Variants in PLA2G4C observed in about 807,000 individuals in gnomAD.
The protein encoded by PLA2G4C is phospholipase A2 group IVC, also known as cytosolic phospholipase A2 gamma.
A neutral mutation model predicts 73.8 loss-of-function variants in PLA2G4C; 64 were observed. The observed-to-expected ratio is 0.87, with a 90% confidence interval of 0.71 to 1.07. The LOEUF (loss-of-function observed/expected upper bound fraction) is 1.07, where lower values mean the gene tolerates loss of function less well. Ranked by LOEUF, PLA2G4C falls within the 50% of genes least tolerant of loss-of-function variation. The pLI is 0.00. For synonymous variants in PLA2G4C, 254 were observed against 252.1 expected (o/e 1.01, Z -0.07); for missense variants, 622 against 665.4 (o/e 0.93, Z 0.72).
chr19:48,102,267 G>A (rs1474833520), intron 4 of PLA2G4C, among the ~76,000 whole-genome samples: 5 of 151,912 alleles, frequency 3.3e-5, no homozygotes, highest in Non-Finnish European at 5.9e-5. Flanking sequence ...AGGGCAGGCA[G>A]ATCACCTGAG....
chr19:48,049,800 G>A (rs1416254105), intron 16 of PLA2G4C, among the ~76,000 whole-genome samples: 1 of 152,202 alleles, frequency 6.6e-6, no homozygotes, highest in East Asian at 1.9e-4. Flanking sequence ...ACACAGGGAG[G>A]CACCATCTGC....
chr19:48,057,258 G>A (rs71355790), intron 14 of PLA2G4C, among the ~76,000 whole-genome samples: 1,824 of 152,072 alleles, frequency 0.012, 19 homozygotes, highest in Non-Finnish European at 0.019. Flanking sequence ...TGCAGTTAAC[G>A]TAAGAATATT....
rs773740351 is a variant in PLA2G4C, at chr19:48,062,596, C to T, written c.1103-444G>A. 4.6e-5 allele frequency among the ~76,000 whole-genome samples: 7 copies of T among 152,070 alleles called. No homozygotes were observed. The South Asian group carries it at 8.3e-4, about 18-fold the overall frequency. ...CTGCACTCCAGCCTGGGTGACAGAG[C>T]GAGACTCTATCTCAAATAAATAAAC... On this transcript the variant is annotated intron_variant, in intron 13 of 16. Coordinates refer to ENST00000599921, the MANE Select transcript of PLA2G4C (RefSeq NM_003706.3).
chr19:48,070,419 C>G (rs931327727), intron 12 of PLA2G4C, among the ~76,000 whole-genome samples: 1 of 152,138 alleles, frequency 6.6e-6, no homozygotes, highest in Non-Finnish European at 1.5e-5. Flanking sequence ...CAGACTGGAG[C>G]GTCAAATTCT....
At chr19:48,099,367 T>G (rs2122675254) in intron 5 of PLA2G4C, among the ~76,000 whole-genome samples, 1 of 152,320 alleles carries the variant, frequency 6.6e-6, no homozygotes, top group Middle Eastern at 3.4e-3. Flanking sequence ...ACTTTCCCTA[T>G]TTCTGCCTTA....
At chr19:48,089,983 C>G (rs1159455056) in intron 8 of PLA2G4C, among the ~76,000 whole-genome samples, 1 of 152,180 alleles carries the variant, frequency 6.6e-6, no homozygotes, top group Admixed American at 6.5e-5. Flanking sequence ...GTAATGATTG[C>G]TAATGTTTAC....
intron 12 of PLA2G4C, among the ~76,000 whole-genome samples, chr19:48,070,461 T>C (rs1370120709): frequency 1.3e-5 from 2 of 152,230 alleles, no homozygotes; most frequent in African/African-American, 4.8e-5. Flanking sequence ...ATTGCAGCAC[T>C]ATTCACAATA....
chr19:48,056,006 T>G (rs1653908855), intron 14 of PLA2G4C, among the ~76,000 whole-genome samples: 2 of 152,126 alleles, frequency 1.3e-5, no homozygotes, highest in African/African-American at 4.8e-5. Context: ...AAAATAAATA[T>G]TAAATAAAGG....
intron 1 of PLA2G4C, among the ~76,000 whole-genome samples, chr19:48,110,153 C>A (rs1237840199): frequency 6.6e-6 from 1 of 150,756 alleles, no homozygotes; most frequent in East Asian, 2.0e-4. Flanking sequence ...TGAGACCAGC[C>A]TGGCCAACAT....
chr19:48,105,945 C>CTTTCTTTCTTT lies in PLA2G4C; in HGVS notation c.9-502_9-501insAAAGAAAGAAA, dbSNP rs1568457691. On this transcript the variant is annotated intron_variant, in intron 2 of 16. Coordinates refer to ENST00000599921, the MANE Select transcript of PLA2G4C (RefSeq NM_003706.3). ...TCCCTCCCTCCCTCCCTCCCTCCCT[C>CTTTCTTTCTTT]CCTTCTTTCTTTCTTTCTTTCTTTC... is the stretch of plus-strand genomic sequence containing the variant. 1.2e-3 allele frequency among the ~76,000 whole-genome samples: 10 copies of CTTTCTTTCTTT among 8,346 alleles called. 4 individuals are homozygous for CTTTCTTTCTTT. The highest frequency in any genetic ancestry group is 1.7e-3 in the African/African-American group (2 of 1,180). The allele number at this position is 8,346 out of a possible 152,430, so 5.5% of individuals were successfully genotyped here. A position where few individuals can be genotyped will look rare whatever the true frequency, so the allele number is the denominator to read the frequency against.
At position 48,099,732 on chromosome 19, in the gene PLA2G4C, G is replaced by A; in HGVS notation, c.386C>T (p.Ser129Phe). 1.2e-6 allele frequency: 2 copies of A among 1,614,104 alleles called. No individual in the cohort carries two copies. The highest frequency in any genetic ancestry group is 1.7e-6 in the Non-Finnish European group (2 of 1,180,008). ...GAAGTCGGTCAGAGAGTAATTCTCAGACCTCGCTGCTTGGATGGTTTTCTG... is the reference window on the plus strand; with the variant it reads ...GAAGTCGGTCAGAGAGTAATTCTCAAACCTCGCTGCTTGGATGGTTTTCTG... ...SLQKTIQAARSENYSLTDFWA... is the reference protein window; with the variant it reads ...SLQKTIQAARFENYSLTDFWA... The change falls in exon 5 of 17, where the codon TCT (serine) becomes TTT (phenylalanine). Residue 129 changes from serine (S) to phenylalanine (F), a missense_variant. Transcript: ENST00000599921.
At chr19:48,082,672 T>C (rs2030668259) in intron 10 of PLA2G4C, among the ~76,000 whole-genome samples, 1 of 143,772 alleles carries the variant, frequency 7.0e-6, no homozygotes, top group Non-Finnish European at 1.5e-5. Context: ...TTAATTTTTA[T>C]ATTTTTAGTA....
chr19:48,079,955 C>T (rs115093928), intron 10 of PLA2G4C, among the ~76,000 whole-genome samples: 1,689 of 152,128 alleles, frequency 0.011, 39 homozygotes, highest in African/African-American at 0.038. Flanking sequence ...AGTGAGACTC[C>T]GTCTCAAAAA....
chr19:48,099,390 T>C (rs2031779396), intron 5 of PLA2G4C, among the ~76,000 whole-genome samples: 1 of 152,222 alleles, frequency 6.6e-6, no homozygotes, highest in South Asian at 2.1e-4. Flanking sequence ...CCATCATAAG[T>C]CCTCATTGTT....
At chr19:48,067,926 G>C (rs1427578771) in intron 12 of PLA2G4C, 40 bp from the exon 13 acceptor site, 3 of 1,401,816 alleles carry the variant, frequency 2.1e-6, no homozygotes, top group Admixed American at 1.7e-5. Context: ...GAGTTCAGGA[G>C]ACTGAGTGGT....
At chr19:48,082,815 CTT>C (rs936169612) in intron 10 of PLA2G4C, among the ~76,000 whole-genome samples, 11 of 120,474 alleles carry the variant, frequency 9.1e-5, no homozygotes, top group Non-Finnish European at 1.2e-4. Flanking sequence ...TTCTTTCTTT[CTT>C]TTTTTTTTTT....
intron 10 of PLA2G4C, among the ~76,000 whole-genome samples, chr19:48,079,915 C>T (rs1157775301): frequency 2.6e-5 from 4 of 152,146 alleles, no homozygotes; most frequent in South Asian, 4.1e-4. Flanking sequence ...GAGCCGAGAT[C>T]GTGCTGCTGC....
intron 10 of PLA2G4C, among the ~76,000 whole-genome samples, chr19:48,079,161 C>A (rs111490952): frequency 0.02 from 3,071 of 152,200 alleles, 98 homozygotes; most frequent in African/African-American, 0.069. Flanking sequence ...AGCTACCATG[C>A]CCAGCCACAA....
chr19:48,088,294 T>C (rs1244114910), intron 9 of PLA2G4C, among the ~76,000 whole-genome samples: 3 of 151,744 alleles, frequency 2.0e-5, no homozygotes, highest in African/African-American at 7.3e-5. Context: ...TCTTACAATC[T>C]TCACCCCTGA....
Sources: gnomAD v4.1 joint callset for allele counts (sites outside exome capture counted in the v4.1 genomes callset) on GRCh38, gnomAD v4.1.1 for gene constraint, MANE v1.5 for transcripts, NCBI Gene and HGNC (gene_info 2026-07-23, HGNC 2026-07-21) for gene names.